The following DOCK7 variants were observed in gnomAD, a reference collection of about 807,000 sequenced individuals.
DOCK7 encodes the protein dedicator of cytokinesis 7.
A neutral mutation model predicts 271.0 loss-of-function variants in DOCK7; 138 were observed. The ratio of observed to expected loss-of-function variants is 0.51; its 90% CI spans 0.44 to 0.59. DOCK7 has a LOEUF of 0.59. Ranked by LOEUF, DOCK7 falls within the 20% of genes least tolerant of loss-of-function variation. DOCK7 has a pLI of 0.00. For missense variants in DOCK7, 2,066 were observed against 2,592.4 expected, an observed-to-expected ratio of 0.80 and a Z score of 4.41; for synonymous variants, 823 against 876.1, an observed-to-expected ratio of 0.94 and a Z score of 1.07.
rs765356033 is a variant in DOCK7 at position 62,539,727 on chromosome 1, T to C, written c.3186+25A>G. The C allele has an allele frequency of 1.1e-5, 17 of 1,611,396 alleles. No individual in the cohort carries two copies. The South Asian group carries it at 1.4e-4, about 14-fold the overall frequency. On this transcript the variant is annotated intron_variant, in intron 26 of 49. Coordinates refer to ENST00000635253, the MANE Select transcript of DOCK7 (RefSeq NM_001367561.1). ...GCTTAATCTGAGCTTGAAAGAGAGA[T>C]AAGTGGGGAAAAAGTTATCATTACC...
chr1:62,491,985 A>G (rs1384167242), intron 41 of DOCK7, among the ~76,000 whole-genome samples: 1 of 152,072 alleles, frequency 6.6e-6, no homozygotes, highest in African/African-American at 2.4e-5. Flanking sequence ...TGATGAGGGG[A>G]ATATAACTTG....
intron 14 of DOCK7, 38 bp from the exon 15 acceptor site, chr1:62,586,662 T>G (rs778257658): frequency 2.3e-6 from 3 of 1,279,868 alleles, no homozygotes; most frequent in Middle Eastern, 1.9e-4. Context: ...TAAATACATA[T>G]CTAAGAAACA....
Position 62,564,854 on chromosome 1 carries a change from C to T in DOCK7, c.2113-3151G>A, listed in dbSNP as rs144882914. Among the ~76,000 whole-genome samples, 611 of 152,040 alleles carry T rather than the reference C, an allele frequency of 4.0e-3. 7 individuals carry two copies. The highest frequency in any genetic ancestry group is 0.013 in the African/African-American group (555 of 41,512). ...TGAATCAAATAGATGCAATAAAAAA[C>T]GATAAAGGGGATATCACCACTGATC... On this transcript the variant is annotated intron_variant, in intron 18 of 49. Transcript: ENST00000635253.
intron 14 of DOCK7, among the ~76,000 whole-genome samples, chr1:62,612,620 T>C (rs1215084655): frequency 6.6e-6 from 1 of 152,220 alleles, no homozygotes; most frequent in Non-Finnish European, 1.5e-5. Context: ...ATTAATTTGT[T>C]CCCTTTACTT....
intron 30 of DOCK7, 24 bp from the exon 31 acceptor site, chr1:62,528,329 A>G (rs1553163214): frequency 1.3e-6 from 2 of 1,590,218 alleles, no homozygotes; most frequent in South Asian, 2.3e-5. Flanking sequence ...ATCCAAAAAA[A>G]TAAATAAAAC....
chr1:62,639,581 C>T (rs528397901), intron 7 of DOCK7, among the ~76,000 whole-genome samples: 23 of 151,524 alleles, frequency 1.5e-4, no homozygotes, highest in African/African-American at 5.6e-4. Flanking sequence ...ATTACAGGCG[C>T]ATGCCACCAC....
At chr1:62,488,730 G>T in intron 42 of DOCK7, 2 of 649,022 alleles carry the variant, frequency 3.1e-6, no homozygotes, top group Non-Finnish European at 2.7e-6. Flanking sequence ...GAAAGTTTAT[G>T]ATGATCACCA....
At position 62,559,230 on chromosome 1, in the gene DOCK7, A is replaced by C; in HGVS notation, c.2200-10T>G. On this transcript the variant is annotated splice_polypyrimidine_tract_variant and intron_variant, in intron 19 of 49. Coordinates refer to ENST00000635253, the MANE Select transcript of DOCK7 (RefSeq NM_001367561.1). ...TGTCAAGATAAGGATCCTAAAACAA[A>C]GAATAAACAAAAGCACTAAGCACTT... 6.2e-6 allele frequency: 10 copies of C among 1,603,526 alleles called. No homozygotes were observed. Among genetic ancestry groups the C allele is most frequent in the Non-Finnish European group, 8.5e-6 (10 of 1,172,062 alleles).
intron 23 of DOCK7, 23 bp from the exon 24 acceptor site, chr1:62,543,768 T>A: frequency 6.5e-7 from 1 of 1,540,558 alleles, no homozygotes; most frequent in Non-Finnish European, 8.9e-7. Flanking sequence ...GATGAATGAA[T>A]GACGAGATAA....
intron 40 of DOCK7, among the ~76,000 whole-genome samples, 190 bp downstream of exon 40, chr1:62,494,085 A>G (rs1280838583): frequency 2.0e-5 from 3 of 152,242 alleles, no homozygotes; most frequent in African/African-American, 7.2e-5. Context: ...CTGTGGAAAG[A>G]GAATCAACAA....
At chr1:62,565,755 A>G (rs1256111403) in intron 18 of DOCK7, among the ~76,000 whole-genome samples, 1 of 152,236 alleles carries the variant, frequency 6.6e-6, no homozygotes, top group African/African-American at 2.4e-5. Context: ...AAATAGGAAA[A>G]GAGGAAGTCA....
intron 1 of DOCK7, among the ~76,000 whole-genome samples, chr1:62,681,117 A>T (rs1049188826): frequency 5.9e-5 from 9 of 152,204 alleles, no homozygotes; most frequent in South Asian, 2.1e-4. Context: ...TCACAATAGC[A>T]AAGACTTGGA....
At chr1:62,622,975 T>C (rs1482769197) in intron 12 of DOCK7, among the ~76,000 whole-genome samples, 1 of 152,096 alleles carries the variant, frequency 6.6e-6, no homozygotes, top group Non-Finnish European at 1.5e-5. Flanking sequence ...GGTCTCACCA[T>C]GTTGCCCAGG....
At chr1:62,539,035 T>C (rs372869575) in intron 27 of DOCK7, among the ~76,000 whole-genome samples, 1 of 152,338 alleles carries the variant, frequency 6.6e-6, no homozygotes, top group East Asian at 1.9e-4. Flanking sequence ...AAATCAGCTA[T>C]GTTTGGAAAA....
At chr1:62,468,150 C>T (rs113144571) in intron 48 of DOCK7, among the ~76,000 whole-genome samples, 513 of 152,068 alleles carry the variant, frequency 3.4e-3, no homozygotes, top group Middle Eastern at 6.8e-3. Context: ...CGCCTGAGGT[C>T]GGGAGTTCGA....
chr1:62,687,370 A>C (rs180858516), intron 1 of DOCK7, among the ~76,000 whole-genome samples: 1 of 152,340 alleles, frequency 6.6e-6, no homozygotes, highest in East Asian at 1.9e-4. Context: ...TGAAACCTCC[A>C]CCTCAATCAC....
chr1:62,471,247 G>A (rs143782391), intron 48 of DOCK7, among the ~76,000 whole-genome samples: 48 of 152,234 alleles, frequency 3.2e-4, no homozygotes, highest in African/African-American at 1.1e-3. Context: ...GGGGTGGGGA[G>A]GGTCAAAAGT....
intron 4 of DOCK7, among the ~76,000 whole-genome samples, chr1:62,649,133 C>G (rs897380208): frequency 2.0e-5 from 3 of 152,040 alleles, no homozygotes; most frequent in African/African-American, 4.8e-5. Context: ...TTAATGCAAG[C>G]TTCTTTCTTA....
At chr1:62,560,456 G>C (rs1480772867) in intron 19 of DOCK7, among the ~76,000 whole-genome samples, 3 of 152,058 alleles carry the variant, frequency 2.0e-5, no homozygotes, top group Non-Finnish European at 2.9e-5. Flanking sequence ...AAACTCAACA[G>C]GTTCAAAAAT....
Sources: allele counts gnomAD v4.1 joint callset (sites outside exome capture counted in the v4.1 genomes callset), GRCh38; gene constraint gnomAD v4.1.1; transcripts MANE v1.5; gene names NCBI Gene and HGNC (gene_info 2026-07-23, HGNC 2026-07-21).